Variants in CAPN5 observed in about 807,000 individuals in gnomAD.
CAPN5 encodes the protein calpain 5, also known as calpain-5.
In CAPN5, 54 loss-of-function variants were observed where a neutral mutation model predicts 73.0. The ratio of observed to expected loss-of-function variants is 0.74; its 90% CI spans 0.59 to 0.93. CAPN5 has a LOEUF of 0.93. Ranked by LOEUF, CAPN5 falls within the 40% of genes least tolerant of loss-of-function variation. CAPN5 has a pLI of 0.00. For missense variants in CAPN5, 785 were observed against 882.9 expected (o/e 0.89, Z 1.41); for synonymous variants, 335 against 356.9 (o/e 0.94, Z 0.69).
intron 3 of CAPN5, among the ~76,000 whole-genome samples, chr11:77,104,789 C>T (rs895236589): frequency 3.3e-5 from 5 of 152,348 alleles, no homozygotes; most frequent in South Asian, 2.1e-4. Context: ...AAGGAACTTG[C>T]GGCTCTGGAA....
intron 3 of CAPN5, among the ~76,000 whole-genome samples, chr11:77,100,131 C>G (rs1470323925): frequency 6.6e-6 from 1 of 152,226 alleles, no homozygotes; most frequent in African/African-American, 2.4e-5. Flanking sequence ...GCCACTGTGC[C>G]CAGCCTTGTT....
chr11:77,101,264 T>C (rs1555038792), intron 3 of CAPN5, among the ~76,000 whole-genome samples: 2 of 152,180 alleles, frequency 1.3e-5, no homozygotes, highest in African/African-American at 4.8e-5. Flanking sequence ...CTCAGGACTG[T>C]GTGTCACAGG....
intron 5 of CAPN5, among the ~76,000 whole-genome samples, 153 bp from the exon 6 acceptor site, chr11:77,115,242 T>C (rs1555041487): frequency 1.3e-5 from 2 of 150,354 alleles, no homozygotes; most frequent in African/African-American, 4.9e-5. Flanking sequence ...CCCATGGGGG[T>C]TTTAAAGCTC....
intron 3 of CAPN5, among the ~76,000 whole-genome samples, chr11:77,094,704 TG>T (rs779022629): frequency 3.0e-4 from 45 of 152,192 alleles, no homozygotes; most frequent in Non-Finnish European, 5.3e-4. Flanking sequence ...GCTTTGGAGC[TG>T]GCCTCAGGTT....
intron 1 of CAPN5, among the ~76,000 whole-genome samples, chr11:77,073,593 C>T (rs892575772): frequency 5.3e-5 from 8 of 152,204 alleles, no homozygotes; most frequent in African/African-American, 1.9e-4. Context: ...GACCACCATT[C>T]CCCCAGGACC....
At chr11:77,102,923 C>T (rs782099075) in intron 3 of CAPN5, 13 of 1,612,752 alleles carry the variant, frequency 8.1e-6, no homozygotes, top group Admixed American at 6.7e-5. Flanking sequence ...TGCGGCTACG[C>T]GTGGAGAGCC....
intron 3 of CAPN5, among the ~76,000 whole-genome samples, chr11:77,094,526 A>G (rs184576970): frequency 2.1e-4 from 32 of 152,344 alleles, no homozygotes; most frequent in Non-Finnish European, 3.8e-4. Flanking sequence ...GTGGAGGCAG[A>G]CCCTGGCTCC....
At chr11:77,068,923 C>T (rs750318070) in intron 1 of CAPN5, among the ~76,000 whole-genome samples, 7 of 152,068 alleles carry the variant, frequency 4.6e-5, no homozygotes, top group Non-Finnish European at 1.0e-4. Flanking sequence ...TTGTGAGATG[C>T]CTGTGGGTTT....
At chr11:77,082,828 G>A (rs782116397) in intron 1 of CAPN5, among the ~76,000 whole-genome samples, 7 of 152,326 alleles carry the variant, frequency 4.6e-5, no homozygotes, top group Middle Eastern at 6.8e-3. Context: ...TGCCCTGGGC[G>A]AGCTTCCTCT....
chr11:77,108,621 A>T (rs1950377630), intron 3 of CAPN5, among the ~76,000 whole-genome samples: 1 of 151,916 alleles, frequency 6.6e-6, no homozygotes, highest in Non-Finnish European at 1.5e-5. Context: ...CTTCACTTTG[A>T]CACTTGCCAG....
At chr11:77,103,372 C>T (rs931354470) in intron 3 of CAPN5, 1 of 1,575,040 alleles carries the variant, frequency 6.3e-7, no homozygotes, top group Non-Finnish European at 8.6e-7. Context: ...CCCACCTGTG[C>T]TCTCCCCTGC....
intron 2 of CAPN5, among the ~76,000 whole-genome samples, chr11:77,090,391 GTCTGGGGCCAGAGCCCTGA>G (rs1276046367): frequency 6.6e-6 from 1 of 152,230 alleles, no homozygotes; most frequent in Non-Finnish European, 1.5e-5. Flanking sequence ...CTGGAGAAGT[GTCTGGGGCCAGAGCCCTGA>G]TCTGGGGCCC....
intron 3 of CAPN5, among the ~76,000 whole-genome samples, chr11:77,107,560 C>T (rs1378728251): frequency 1.3e-5 from 2 of 152,058 alleles, no homozygotes; most frequent in East Asian, 1.9e-4. Context: ...TGCCACTACC[C>T]GGGGAAGATT....
At position 77,116,112 on chromosome 11, in the gene CAPN5, G is replaced by A. The variant is rs371996245; in HGVS notation, c.894-114G>A. 1.3e-4 allele frequency: 116 copies of A among 926,276 alleles called. 1 individual carries two copies. Among genetic ancestry groups the A allele is most frequent in the South Asian group, 6.6e-4 (43 of 65,272 alleles). 57.4% of individuals were successfully genotyped at this position (926,276 alleles called of 1,614,324 possible). On this transcript the variant is annotated intron_variant, in intron 6 of 12. Coordinates refer to ENST00000648180, the MANE Select transcript of CAPN5 (RefSeq NM_004055.5). ...TCAGTGCCCCTGGCCACACCGTGCCGCTGGAGGCCTGGTGCAAGACTGCCC... is the reference window on the plus strand; with the variant it reads ...TCAGTGCCCCTGGCCACACCGTGCCACTGGAGGCCTGGTGCAAGACTGCCC...
In CAPN5 at chr11:77,085,031, G is replaced by A. The variant is rs185836777; in HGVS notation, c.145G>A (p.Val49Ile). 645 of 1,613,494 alleles carry A rather than the reference G, an allele frequency of 4.0e-4. 6 individuals are homozygous for A. The East Asian group carries it at 0.012, about 29-fold the overall frequency. The stretch of plus-strand genomic sequence containing the variant: ...CTATAAGGGCACGCCGGGGCCCGCC[G>A]TCAGGTGGAAGCGACCCAAGGTCAG... ...LYYKGTPGPA[V>I]RWKRPKGICE... The change falls in exon 2 of 13, where the codon GTC becomes ATC. Residue 49 changes from valine (V) to isoleucine (I), a missense_variant. Physicochemically the swap from Val to Ile is conservative, Grantham distance 29. Coordinates refer to ENST00000648180, the MANE Select transcript of CAPN5 (RefSeq NM_004055.5).
intron 2 of CAPN5, among the ~76,000 whole-genome samples, chr11:77,091,082 G>A (rs1555036446): frequency 6.6e-6 from 1 of 152,178 alleles, no homozygotes; most frequent in African/African-American, 2.4e-5. Context: ...GCCCTTGGGG[G>A]AATTCTAGCC....
At position 77,122,621 on chromosome 11, in the gene CAPN5, G is replaced by A. The variant is rs782717683; in HGVS notation, c.1649G>A (p.Arg550His). 79 of 1,601,698 alleles carry A rather than the reference G, an allele frequency of 4.9e-5. 1 individual carries two copies. Among genetic ancestry groups the A allele is most frequent in the South Asian group, 2.4e-4 (22 of 90,892 alleles). Residue 550 changes from arginine (R) to histidine (H), a missense_variant, in exon 12 of 13, where the codon CGC (arginine) becomes CAC (histidine). Transcript: ENST00000648180. The part of the protein sequence containing the change: ...VIIKCEGDKV[R>H]SAVQKGTSTP... ...ATCAAGTGTGAGGGAGACAAAGTCC[G>A]CTCGGCTGTGCAGAAGGGCACCTCC... is the stretch of plus-strand genomic sequence containing the variant.
chr11:77,115,404 G>T lies in CAPN5; in HGVS notation c.709G>T (p.Ala237Ser). ...LISASIKAVT[A>S]ADMEARLACG... is the part of the protein sequence containing the mutation. ...CTGTGTCCCTCCACAGGCAGTGACA[G>T]CAGCTGACATGGAGGCCCGCCTGGC... The change falls in exon 6 of 13, where the codon GCA becomes TCA. Residue 237 changes from alanine to serine, a missense_variant. By Grantham distance (99) the Ala-to-Ser change is moderately conservative. Coordinates refer to ENST00000648180, the MANE Select transcript of CAPN5 (RefSeq NM_004055.5). 6.2e-7 allele frequency: 1 copy of T among 1,601,908 alleles called. No individual in the cohort carries two copies. The highest frequency in any genetic ancestry group is 8.5e-7 in the Non-Finnish European group (1 of 1,171,366).
At chr11:77,073,266 C>T (rs781939117) in intron 1 of CAPN5, 2 of 430,370 alleles carry the variant, frequency 4.6e-6, no homozygotes, top group South Asian at 3.7e-5. Flanking sequence ...CAACAGTCTC[C>T]ACCTCCACAA....
Sources: allele counts gnomAD v4.1 joint callset (sites outside exome capture counted in the v4.1 genomes callset), GRCh38; gene constraint gnomAD v4.1.1; transcripts MANE v1.5; gene names NCBI Gene and HGNC (gene_info 2026-07-23, HGNC 2026-07-21).